Variants in TTC28 observed in about 807,000 individuals in gnomAD.
TTC28 encodes tetratricopeptide repeat protein 28.
TTC28 carries 61 observed loss-of-function variants against 198.0 expected under a neutral mutation model. That is an observed-to-expected ratio of 0.31 (90% CI 0.25 to 0.38). The LOEUF (loss-of-function observed/expected upper bound fraction) is 0.38. Ranked by LOEUF, TTC28 falls within the 10% of genes least tolerant of loss-of-function variation. The pLI is 1.00. For synonymous variants in TTC28, 1,171 were observed against 1,297.8 expected, an observed-to-expected ratio of 0.90 and a Z score of 2.10; for missense variants, 2,678 against 3,164.0, an observed-to-expected ratio of 0.85 and a Z score of 3.69.
intron 19 of TTC28, 44 bp from the exon 20 acceptor site, chr22:27,990,856 A>G (rs1362609216): frequency 1.6e-5 from 25 of 1,535,296 alleles, no homozygotes; most frequent in Non-Finnish European, 2.0e-5. Context: ...AGAGAGAAAG[A>G]AGAGAGTTTA....
intron 2 of TTC28, among the ~76,000 whole-genome samples, chr22:28,415,454 A>T (rs2047154609): frequency 1.3e-5 from 2 of 152,208 alleles, no homozygotes; most frequent in Non-Finnish European, 2.9e-5. Flanking sequence ...TCATATTTGG[A>T]AATTAATAAA....
intron 21 of TTC28, among the ~76,000 whole-genome samples, chr22:27,988,426 T>C (rs1937287704): frequency 6.6e-6 from 1 of 151,920 alleles, no homozygotes; most frequent in African/African-American, 2.4e-5. Context: ...TAGCTGGGAC[T>C]ACAGGCATGC....
intron 2 of TTC28, among the ~76,000 whole-genome samples, chr22:28,585,928 T>G (rs2050308669): frequency 6.6e-6 from 1 of 152,048 alleles, no homozygotes; most frequent in Non-Finnish European, 1.5e-5. Flanking sequence ...TATACCTATG[T>G]AACAAACCTG....
Position 28,005,202 on chromosome 22 carries a change from A to G in TTC28, c.4219-3649T>C, listed in dbSNP as rs574413363. 6.6e-6 allele frequency among the ~76,000 whole-genome samples: 1 copy of G among 152,300 alleles called. No individual in the cohort carries two copies. Among genetic ancestry groups the G allele is most frequent in the African/African-American group, 2.4e-5 (1 of 41,558 alleles). On this transcript the variant is annotated intron_variant, in intron 14 of 22. Coordinates refer to ENST00000397906, the MANE Select transcript of TTC28 (RefSeq NM_001145418.2). This position sits in a 1 kb window ranked among gnomAD's most constrained non-coding sequence, Gnocchi z 4.9. ...TGTGGCAATGTGAGTCCAGGCAGCA[A>G]ATGATGCTTGAGAACTTACGGTGTT...
At chr22:28,490,868 A>G (rs1222962247) in intron 2 of TTC28, among the ~76,000 whole-genome samples, 1 of 152,212 alleles carries the variant, frequency 6.6e-6, no homozygotes, top group Non-Finnish European at 1.5e-5. Flanking sequence ...ATAGAAGTCA[A>G]ATAAAAATTA....
At chr22:28,007,023 T>C (rs1364211020) in intron 14 of TTC28, 1 of 152,104 alleles carries the variant, frequency 6.6e-6, no homozygotes, top group East Asian at 1.9e-4. Flanking sequence ...TGAAAATCTC[T>C]GATCACCATG....
At chr22:28,279,015 C>T (rs1394006153) in intron 5 of TTC28, among the ~76,000 whole-genome samples, 1 of 152,114 alleles carries the variant, frequency 6.6e-6, no homozygotes, top group African/African-American at 2.4e-5. Context: ...ACCAAGAATT[C>T]GAATCACTAG....
intron 2 of TTC28, among the ~76,000 whole-genome samples, chr22:28,559,227 T>C (rs2049832775): frequency 6.6e-6 from 1 of 152,184 alleles, no homozygotes; most frequent in Admixed American, 6.5e-5. Flanking sequence ...CAAAGATCAA[T>C]TGATATGCCC....
At chr22:28,224,011 C>T (rs1928094192) in intron 5 of TTC28, among the ~76,000 whole-genome samples, 1 of 152,174 alleles carries the variant, frequency 6.6e-6, no homozygotes, top group Non-Finnish European at 1.5e-5. Flanking sequence ...GCAATTTCCT[C>T]CCTCCAGGGA....
At chr22:28,672,076 G>C (rs1418789412) in intron 1 of TTC28, among the ~76,000 whole-genome samples, 1 of 152,038 alleles carries the variant, frequency 6.6e-6, no homozygotes, top group Non-Finnish European at 1.5e-5. Flanking sequence ...ACCCAGGCTG[G>C]AGTGCAGTGG....
chr22:28,279,667 G>A (rs373870424), intron 5 of TTC28, among the ~76,000 whole-genome samples: 1 of 152,084 alleles, frequency 6.6e-6, no homozygotes, highest in African/African-American at 2.4e-5. Flanking sequence ...ACCACAACAG[G>A]CCCATTTGAT....
intron 2 of TTC28, among the ~76,000 whole-genome samples, chr22:28,393,604 G>A (rs1400669234): frequency 1.3e-5 from 2 of 152,090 alleles, no homozygotes; most frequent in Non-Finnish European, 2.9e-5. Context: ...TGAGACAGGA[G>A]GATCATTTGA....
chr22:28,284,343 C>T (rs1330820245), intron 5 of TTC28, among the ~76,000 whole-genome samples: 1 of 152,096 alleles, frequency 6.6e-6, no homozygotes, highest in Non-Finnish European at 1.5e-5. Context: ...TAAGGGATCA[C>T]CGAGGGCCAC....
At chr22:28,607,824 T>C (rs1442549871) in intron 2 of TTC28, among the ~76,000 whole-genome samples, 1 of 152,180 alleles carries the variant, frequency 6.6e-6, no homozygotes, top group African/African-American at 2.4e-5. Context: ...CCCAAATCCC[T>C]CAGGTTCTCT....
chr22:28,130,798 TTTTG>T (rs1943043190), intron 6 of TTC28, among the ~76,000 whole-genome samples: 1 of 152,228 alleles, frequency 6.6e-6, no homozygotes, highest in East Asian at 1.9e-4. Flanking sequence ...TTTCTGGGTT[TTTTG>T]TTTGTTTTTG....
chr22:28,539,938 T>C (rs63594362), intron 2 of TTC28, among the ~76,000 whole-genome samples: 1 of 44,026 alleles, frequency 2.3e-5, no homozygotes, highest in Non-Finnish European at 6.1e-5. Flanking sequence ...CTCAGGAAGC[T>C]TTTTTTTTTT....
intron 12 of TTC28, among the ~76,000 whole-genome samples, chr22:28,092,297 A>G (rs1941837583): frequency 6.6e-6 from 1 of 152,174 alleles, no homozygotes; most frequent in African/African-American, 2.4e-5. Flanking sequence ...GCTTGCCCTC[A>G]GTTCTGGGAC....
chr22:28,641,777 G>C (rs1007207766), intron 1 of TTC28, among the ~76,000 whole-genome samples: 1 of 152,062 alleles, frequency 6.6e-6, no homozygotes, highest in East Asian at 1.9e-4. Flanking sequence ...CAGAAGCAGA[G>C]GAATGCAGGA....
chr22:28,186,256 C>T (rs1924195335), intron 5 of TTC28, among the ~76,000 whole-genome samples: 1 of 152,096 alleles, frequency 6.6e-6, no homozygotes, highest in South Asian at 2.1e-4. Context: ...TTCAAGTTTG[C>T]CAACCTGCCC....
Sources: allele counts gnomAD v4.1 joint callset (sites outside exome capture counted in the v4.1 genomes callset), GRCh38; gene constraint gnomAD v4.1.1; non-coding constraint Gnocchi (gnomAD v3.1); transcripts MANE v1.5; gene names NCBI Gene and HGNC (gene_info 2026-07-23, HGNC 2026-07-21).